The following GRK3 variants were observed in gnomAD, a reference collection of about 807,000 sequenced individuals.
GRK3 encodes the protein G protein-coupled receptor kinase 3, also known as adrenergic, beta, receptor kinase 2.
Under a neutral mutation model 95.7 loss-of-function variants are expected in GRK3, and 54 were observed. The observed-to-expected ratio is 0.56, with a 90% CI of 0.45 to 0.71. The LOEUF (loss-of-function observed/expected upper bound fraction) is 0.71. Among genes scored for constraint, GRK3 ranks in the 30% least tolerant of loss-of-function variants. The probability of loss-of-function intolerance (pLI) is 0.00; values close to 1 mark genes in which losing one functional copy is unlikely to be tolerated. For synonymous variants in GRK3, 281 were observed against 290.8 expected (o/e 0.97, Z 0.34); for missense variants, 649 against 851.2 (o/e 0.76, Z 2.96).
chr22:25,685,334 C>G (rs1439270919), intron 10 of GRK3, 86 bp downstream of exon 10: 2 of 1,005,302 alleles, frequency 2.0e-6, no homozygotes, highest in South Asian at 2.6e-5. Flanking sequence ...GGCAGACTGG[C>G]AATGTGGGTC....
chr22:25,710,129 C>T (rs900720590), intron 16 of GRK3, 165 bp downstream of exon 16: 11 of 671,288 alleles, frequency 1.6e-5, no homozygotes, highest in Non-Finnish European at 2.4e-5. Context: ...TGTCCACACT[C>T]TCTTGTTACC....
chr22:25,588,627 C>G (rs1341777978), intron 1 of GRK3, among the ~76,000 whole-genome samples: 2 of 152,030 alleles, frequency 1.3e-5, no homozygotes, highest in Non-Finnish European at 2.9e-5. Context: ...GTGGAAAATA[C>G]TTAGTAACTA....
Position 25,599,293 on chromosome 22 carries a change from A to G in GRK3, c.114-5084A>G, listed in dbSNP as rs1601463340. ...GACAAATTATAGACTCTGAGAAAAT[A>G]TTTGAAAATCACATATATGCCAGGT... On this transcript the variant is annotated intron_variant, in intron 1 of 20. Coordinates refer to ENST00000324198, the MANE Select transcript of GRK3 (RefSeq NM_005160.4). 2.6e-5 allele frequency among the ~76,000 whole-genome samples: 4 copies of G among 152,276 alleles called. No homozygotes were observed. In the South Asian group the frequency reaches 8.3e-4, roughly 32 times the overall value.
At chr22:25,624,164 A>G (rs2084609048) in intron 2 of GRK3, among the ~76,000 whole-genome samples, 1 of 151,914 alleles carries the variant, frequency 6.6e-6, no homozygotes, top group African/African-American at 2.4e-5. Context: ...AACATGCGTC[A>G]TGCTCCTGGC....
At chr22:25,565,967 C>T (rs543745863) in intron 1 of GRK3, among the ~76,000 whole-genome samples, 2 of 152,088 alleles carry the variant, frequency 1.3e-5, no homozygotes, top group East Asian at 3.9e-4. Context: ...GCGAGGGGCT[C>T]GGTGAGGTGC....
At chr22:25,706,166 C>A (rs1164025184) in intron 15 of GRK3, among the ~76,000 whole-genome samples, 1 of 152,192 alleles carries the variant, frequency 6.6e-6, no homozygotes. Context: ...TCAACCCTTT[C>A]GTTGATTTCT....
chr22:25,678,750 A>T, intron 8 of GRK3, 66 bp from the exon 9 acceptor site: 1 of 946,460 alleles, frequency 1.1e-6, no homozygotes, highest in Non-Finnish European at 1.6e-6. Context: ...CCAGAGTGAC[A>T]TATATTGTTT....
At chr22:25,719,001 A>T (rs950601308) in intron 19 of GRK3, among the ~76,000 whole-genome samples, 2 of 152,198 alleles carry the variant, frequency 1.3e-5, no homozygotes, top group Non-Finnish European at 2.9e-5. Flanking sequence ...ATACAGGAGG[A>T]TGTGTGAAGG....
chr22:25,621,330 T>C (rs1305385199), intron 2 of GRK3, among the ~76,000 whole-genome samples: 1 of 152,242 alleles, frequency 6.6e-6, no homozygotes, highest in Non-Finnish European at 1.5e-5. Context: ...TATGGGCACC[T>C]TACTCACTTT....
At chr22:25,686,264 G>A (rs971177606) in intron 10 of GRK3, among the ~76,000 whole-genome samples, 4 of 151,712 alleles carry the variant, frequency 2.6e-5, no homozygotes, top group Non-Finnish European at 4.4e-5. Flanking sequence ...AAACAGGAAG[G>A]AATTTCACAG....
chr22:25,586,829 TC>T (rs1932328320), intron 1 of GRK3, among the ~76,000 whole-genome samples: 1 of 152,022 alleles, frequency 6.6e-6, no homozygotes, highest in Admixed American at 6.5e-5. Context: ...TGAGGCAGCC[TC>T]CTTGAAAATG....
intron 5 of GRK3, 106 bp from the exon 6 acceptor site, chr22:25,667,633 G>C: frequency 1.4e-6 from 1 of 713,808 alleles, no homozygotes; most frequent in Non-Finnish European, 2.5e-6. Flanking sequence ...CAATGCTATG[G>C]GGAGTGCATA....
At chr22:25,666,160 G>A (rs1036026697) in intron 5 of GRK3, among the ~76,000 whole-genome samples, 6 of 152,242 alleles carry the variant, frequency 3.9e-5, no homozygotes, top group Middle Eastern at 6.8e-3. Context: ...TGGCAGCATG[G>A]TAGATTCTAC....
At chr22:25,569,737 A>C (rs1168827054) in intron 1 of GRK3, among the ~76,000 whole-genome samples, 6 of 152,224 alleles carry the variant, frequency 3.9e-5, no homozygotes, top group African/African-American at 7.2e-5. Flanking sequence ...CTGGCAAGGG[A>C]AAGAGAAGTT....
In GRK3 at chr22:25,607,084, TTG is replaced by T. The variant is rs371753826; in HGVS notation, c.190+2645_190+2646del. ...CCCATATGTATGTATATGTATGTGT[TTG>T]TGTGTGTGTGTGTATATATATATAT... is the stretch of plus-strand genomic sequence containing the variant. On this transcript the variant is annotated intron_variant, in intron 2 of 20. Coordinates refer to ENST00000324198, the MANE Select transcript of GRK3 (RefSeq NM_005160.4). Among the ~76,000 whole-genome samples, 228 of 151,522 alleles carry T rather than the reference TTG, an allele frequency of 1.5e-3. 2 individuals are homozygous for T. In the East Asian group the frequency reaches 0.024, roughly 16 times the overall value.
At chr22:25,665,031 G>A (rs576203821) in intron 5 of GRK3, among the ~76,000 whole-genome samples, 122 of 152,228 alleles carry the variant, frequency 8.0e-4, no homozygotes, top group Non-Finnish European at 9.6e-4. Context: ...ACCTGACCTG[G>A]CTTTGAGTCC....
intron 1 of GRK3, among the ~76,000 whole-genome samples, chr22:25,580,780 A>C (rs1932071053): frequency 6.6e-6 from 1 of 152,168 alleles, no homozygotes; most frequent in Non-Finnish European, 1.5e-5. Flanking sequence ...GGTGATCCTC[A>C]GATGAGCCAC....
intron 4 of GRK3, 58 bp from the exon 5 acceptor site, chr22:25,663,572 A>G: frequency 9.0e-7 from 1 of 1,115,608 alleles, no homozygotes; most frequent in Non-Finnish European, 1.3e-6. Context: ...GATATTATAT[A>G]ACATACACAG....
intron 3 of GRK3, among the ~76,000 whole-genome samples, chr22:25,649,560 G>C (rs576669237): frequency 6.6e-6 from 1 of 152,258 alleles, no homozygotes; most frequent in South Asian, 2.1e-4. Flanking sequence ...CCCAAAGTCA[G>C]AATTGCTCAA....
Sources: allele counts gnomAD v4.1 joint callset (sites outside exome capture counted in the v4.1 genomes callset), GRCh38; gene constraint gnomAD v4.1.1; transcripts MANE v1.5; gene names NCBI Gene and HGNC (gene_info 2026-07-23, HGNC 2026-07-21).